CCDC27: variants seen among roughly 807,000 people sequenced by gnomAD.
CCDC27 encodes coiled-coil domain containing 27.
A neutral mutation model predicts 80.3 loss-of-function variants in CCDC27; 80 were observed. The ratio of observed to expected loss-of-function variants is 1.00; its 90% CI spans 0.83 to 1.20. The LOEUF is 1.20. CCDC27 is among the 50% of genes most tolerant of loss of function. The pLI is 0.00. For missense variants in CCDC27, 815 were observed against 809.4 expected, an observed-to-expected ratio of 1.01 and a Z score of -0.08; for synonymous variants, 342 against 334.3, an observed-to-expected ratio of 1.02 and a Z score of -0.25.
At chr1:3,758,889 A>C (rs1029784931) in intron 4 of CCDC27, among the ~76,000 whole-genome samples, 11 of 152,204 alleles carry the variant, frequency 7.2e-5, no homozygotes, top group African/African-American at 2.6e-4. Context: ...GAACCACTGT[A>C]CTGGGCCCCT....
Position 3,762,602 on chromosome 1 carries a change from C to T in CCDC27, c.862-18C>T. ...CAGGAGGGGCTGGAAAGCTGAGGGTCCCACGGGCGTCTTGCAGGAGCAGCT... is the reference window on the plus strand; with the variant it reads ...CAGGAGGGGCTGGAAAGCTGAGGGTTCCACGGGCGTCTTGCAGGAGCAGCT... On this transcript the variant is annotated intron_variant, in intron 5 of 11. Coordinates refer to ENST00000294600, the MANE Select transcript of CCDC27 (RefSeq NM_152492.3). 6.5e-7 allele frequency: 1 copy of T among 1,548,578 alleles called. No homozygotes were observed. The highest frequency in any genetic ancestry group is 8.7e-7 in the Non-Finnish European group (1 of 1,144,970).
In CCDC27 at chr1:3,771,583, C is replaced by T. The variant is rs1384506407; in HGVS notation, c.*60C>T. ...AGAGGCCGGGGCCCAGCTCCAGAACCACCCGCCCCCACCATGCGTCCTGCT... is the reference window on the plus strand; with the variant it reads ...AGAGGCCGGGGCCCAGCTCCAGAACTACCCGCCCCCACCATGCGTCCTGCT... On this transcript the variant is annotated 3_prime_UTR_variant, in exon 12 of 12. Coordinates refer to ENST00000294600, the MANE Select transcript of CCDC27 (RefSeq NM_152492.3). 1.7e-5 allele frequency: 27 copies of T among 1,569,078 alleles called. No homozygotes were observed. The highest frequency in any genetic ancestry group is 1.4e-5 in the Non-Finnish European group (16 of 1,153,288).
At position 3,766,608 on chromosome 1, in the gene CCDC27, G is replaced by C; in HGVS notation, c.1526G>C (p.Arg509Pro). 6.2e-7 allele frequency: 1 copy of C among 1,612,584 alleles called. No homozygotes were observed. The highest frequency in any genetic ancestry group is 1.1e-5 in the South Asian group (1 of 90,990). Reference sequence around the variant, plus strand: ...ATTGAAAAGGACAACCAGCTCCTCCGACAGGTGACAGCCTGGGTGTCGTTA... The same window carrying C: ...ATTGAAAAGGACAACCAGCTCCTCCCACAGGTGACAGCCTGGGTGTCGTTA... ...GLIEKDNQLL[R>P]QQVSELERKL... Residue 509 changes from arginine to proline, a missense_variant, in exon 9 of 12, where the codon CGA (arginine) becomes CCA (proline). Arg to Pro is a moderately radical substitution (Grantham distance 103, BLOSUM62 -2). Coordinates refer to ENST00000294600, the MANE Select transcript of CCDC27 (RefSeq NM_152492.3). This position sits in a 1 kb window ranked among gnomAD's most constrained non-coding sequence, Gnocchi z 6.1.
At position 3,763,587 on chromosome 1, in the gene CCDC27, G is replaced by A. The variant is rs754016672; in HGVS notation, c.1321+113G>A. 57 of 1,557,382 alleles carry A rather than the reference G, an allele frequency of 3.7e-5. No homozygotes were observed. The highest frequency in any genetic ancestry group is 4.6e-5 in the Non-Finnish European group (53 of 1,146,722). On this transcript the variant is annotated intron_variant, in intron 7 of 11. Coordinates refer to ENST00000294600, the MANE Select transcript of CCDC27 (RefSeq NM_152492.3). This position sits in a 1 kb window ranked among gnomAD's most constrained non-coding sequence, Gnocchi z 7.5. ...TCAGTGAGCTGGAGCAGGGGCAGGT[G>A]TCGGCAGCCTCACCCAGGCTGGCAG... is the stretch of plus-strand genomic sequence containing the variant.
chr1:3,758,422 G>A (rs1426736013), intron 4 of CCDC27, among the ~76,000 whole-genome samples: 1 of 151,720 alleles, frequency 6.6e-6, no homozygotes, highest in African/African-American at 2.4e-5. Flanking sequence ...TCTTGACTTC[G>A]TGATCTACCC....
At position 3,763,322 on chromosome 1, in the gene CCDC27, C is replaced by A; in HGVS notation, c.1169C>A (p.Pro390Gln). ...GAGGACTCAGAGGAAAGGGAGCTGC[C>A]GGAGGAAGAGGAGATCCCCAGGAGA... The part of the protein sequence containing the change: ...RDEDSEEREL[P>Q]EEEEIPRRRA... The change falls in exon 7 of 12, where the codon CCG becomes CAG. Residue 390 changes from proline to glutamine, a missense_variant. Physicochemically the swap from Pro to Gln is moderately conservative, Grantham distance 76. Coordinates refer to ENST00000294600, the MANE Select transcript of CCDC27 (RefSeq NM_152492.3). This position sits in a 1 kb window ranked among gnomAD's most constrained non-coding sequence, Gnocchi z 7.5. 1.2e-6 allele frequency: 2 copies of A among 1,611,646 alleles called. No individual in the cohort carries two copies. Among genetic ancestry groups the A allele is most frequent in the Non-Finnish European group, 1.7e-6 (2 of 1,179,194 alleles).
intron 10 of CCDC27, among the ~76,000 whole-genome samples, chr1:3,767,660 C>T (rs976756958): frequency 6.6e-6 from 1 of 152,220 alleles, no homozygotes; most frequent in Non-Finnish European, 1.5e-5. Context: ...CGGAAATGTT[C>T]GTCAATGGCA....
In CCDC27 at chr1:3,761,144, T is replaced by G. The variant is rs987684735; in HGVS notation, c.712-137T>G. 1.0e-6 allele frequency: 1 copy of G among 962,592 alleles called. No homozygotes were observed. Among genetic ancestry groups the G allele is most frequent in the Non-Finnish European group, 1.6e-6 (1 of 642,194 alleles). 59.6% of individuals were successfully genotyped at this position (962,592 alleles called of 1,614,324 possible). ...TGCTAGCTCTTTACCGCAGTACCTA[T>G]CTTGAAATCCCTGGGACCCTGGGGT... On this transcript the variant is annotated intron_variant, in intron 4 of 11. Coordinates refer to ENST00000294600, the MANE Select transcript of CCDC27 (RefSeq NM_152492.3). This position sits in a 1 kb window ranked among gnomAD's most constrained non-coding sequence, Gnocchi z 5.0.
chr1:3,763,867 C>T lies in CCDC27; in HGVS notation c.1452+31C>T, dbSNP rs750283727. The T allele has an allele frequency of 1.9e-6, 3 of 1,608,702 alleles. No individual in the cohort carries two copies. Among genetic ancestry groups the T allele is most frequent in the South Asian group, 1.1e-5 (1 of 90,730 alleles). ...CGTGCGCTCAGTACCGGCCTCCGCT[C>T]CATGAGCATGGGCCCCAGGCTTCAT... On this transcript the variant is annotated intron_variant, in intron 8 of 11. Coordinates refer to ENST00000294600, the MANE Select transcript of CCDC27 (RefSeq NM_152492.3). The surrounding 1 kb of genome is among the most constrained non-coding windows in gnomAD (Gnocchi z 7.5).
chr1:3,762,172 G>A (rs72637017), intron 5 of CCDC27, among the ~76,000 whole-genome samples: 32,145 of 152,086 alleles, frequency 0.21, 3,708 homozygotes, highest in Admixed American at 0.26. Context: ...CAGGGGGAAG[G>A]CCCCTGACCA....
chr1:3,758,557 C>T (rs1447649659), intron 4 of CCDC27, among the ~76,000 whole-genome samples: 1 of 152,170 alleles, frequency 6.6e-6, no homozygotes, highest in Non-Finnish European at 1.5e-5. Context: ...GAGCTCACGG[C>T]AGCCTCCATC....
Position 3,763,624 on chromosome 1 carries a change from C to T in CCDC27, c.1322-82C>T, listed in dbSNP as rs1304117434. On this transcript the variant is annotated intron_variant, in intron 7 of 11. Coordinates refer to ENST00000294600, the MANE Select transcript of CCDC27 (RefSeq NM_152492.3). The surrounding 1 kb of genome is among the most constrained non-coding windows in gnomAD (Gnocchi z 7.5). ...ACCCAGGCTGGCAGAGCCCTCCCAG[C>T]TGCCGCAGTGGCCCGGCCCTCTCCT... 6.3e-7 allele frequency: 1 copy of T among 1,586,944 alleles called. No individual in the cohort carries two copies. Among genetic ancestry groups the T allele is most frequent in the Non-Finnish European group, 8.6e-7 (1 of 1,160,614 alleles).
chr1:3,766,818 C>A lies in CCDC27; in HGVS notation c.1530+206C>A, dbSNP rs746059037. ...TGGGTCCAGACTGGACTGGAGGGAC[C>A]CAGCAAGCGTTCCCAGTCCTTTTTT... is the stretch of plus-strand genomic sequence containing the variant. On this transcript the variant is annotated intron_variant, in intron 9 of 11. Coordinates refer to ENST00000294600, the MANE Select transcript of CCDC27 (RefSeq NM_152492.3). This position sits in a 1 kb window ranked among gnomAD's most constrained non-coding sequence, Gnocchi z 6.1. Among the ~76,000 whole-genome samples the A allele has an allele frequency of 2.7e-4, 41 of 151,768 alleles. No individual in the cohort carries two copies. The highest frequency in any genetic ancestry group is 2.6e-4 in the Non-Finnish European group (18 of 67,944).
chr1:3,771,534 G>GC lies in CCDC27; in HGVS notation c.*16dup, dbSNP rs749640121. ...GGGACCTCCAAGTAGGCCCAGCCAG[G>GC]CCCCCAAATACGGTCAGCCCAGCAG... On this transcript the variant is annotated 3_prime_UTR_variant, in exon 12 of 12. Transcript: ENST00000294600. The GC allele has an allele frequency of 1.9e-6, 3 of 1,612,670 alleles. No homozygotes were observed. The East Asian group carries it at 6.7e-5, about 36-fold the overall frequency.
chr1:3,763,071 G>A lies in CCDC27; in HGVS notation c.955-37G>A, dbSNP rs1034585231. 2.1e-5 allele frequency: 31 copies of A among 1,453,798 alleles called. No individual in the cohort carries two copies. Among genetic ancestry groups the A allele is most frequent in the African/African-American group, 5.7e-5 (4 of 69,828 alleles). 90.1% of individuals were successfully genotyped at this position (1,453,798 alleles called of 1,614,324 possible). On this transcript the variant is annotated intron_variant, in intron 6 of 11. Coordinates refer to ENST00000294600, the MANE Select transcript of CCDC27 (RefSeq NM_152492.3). This position sits in a 1 kb window ranked among gnomAD's most constrained non-coding sequence, Gnocchi z 7.5. Reference sequence around the variant, plus strand: ...GAGCCCTCTGCCCTGGGGGTGCCCCGCAGCCCTGCCCAGCCCCTGCCCTAC... The same window carrying A: ...GAGCCCTCTGCCCTGGGGGTGCCCCACAGCCCTGCCCAGCCCCTGCCCTAC...
chr1:3,770,401 G>T (rs1237782206), intron 11 of CCDC27, among the ~76,000 whole-genome samples: 2 of 152,308 alleles, frequency 1.3e-5, no homozygotes, highest in African/African-American at 2.4e-5. Flanking sequence ...AGGCCTTGGG[G>T]TCACTGGGCA....
rs1218845233 is a variant in CCDC27 at position 3,766,074 on chromosome 1, C to G, written c.1453-461C>G. 6.6e-6 allele frequency among the ~76,000 whole-genome samples: 1 copy of G among 152,116 alleles called. No individual in the cohort carries two copies. Among genetic ancestry groups the G allele is most frequent in the Non-Finnish European group, 1.5e-5 (1 of 68,026 alleles). ...TTGTAGAGATAGGATCTATGTTACC[C>G]ACGCTTCTCTCAAATTCCCGACCTC... On this transcript the variant is annotated intron_variant, in intron 8 of 11. Transcript: ENST00000294600. The surrounding 1 kb of genome is among the most constrained non-coding windows in gnomAD (Gnocchi z 6.1).
chr1:3,766,537 C>A lies in CCDC27; in HGVS notation c.1455C>A (p.Phe485Leu). ...CCAACCCTTCTGTCTCCTTCCAGTT[C>A]TCCAACCTCCGAGAAGATAAGAAAC... The part of the protein sequence containing the change: ...RQQLQAMTDK[F>L]SNLREDKKHQ... The change falls in exon 9 of 12, where the codon TTC (phenylalanine) becomes TTA (leucine). Residue 485 changes from phenylalanine (F) to leucine (L), a missense_variant and splice_region_variant. By Grantham distance (22) the Phe-to-Leu change is conservative (BLOSUM62 0). Transcript: ENST00000294600. The surrounding 1 kb of genome is among the most constrained non-coding windows in gnomAD (Gnocchi z 6.1). 1 of 1,613,090 alleles carries A rather than the reference C, an allele frequency of 6.2e-7. No individual in the cohort carries two copies. Among genetic ancestry groups the A allele is most frequent in the Non-Finnish European group, 8.5e-7 (1 of 1,179,442 alleles).
In CCDC27 at chr1:3,771,561, G is replaced by A; in HGVS notation, c.*38G>A. ...CCCCAAATACGGTCAGCCCAGCAGA[G>A]GCCGGGGCCCAGCTCCAGAACCACC... On this transcript the variant is annotated 3_prime_UTR_variant, in exon 12 of 12. Coordinates refer to ENST00000294600, the MANE Select transcript of CCDC27 (RefSeq NM_152492.3). 2.5e-6 allele frequency: 4 copies of A among 1,607,852 alleles called. No homozygotes were observed. Among genetic ancestry groups the A allele is most frequent in the Non-Finnish European group, 3.4e-6 (4 of 1,178,514 alleles).
Sources: allele counts gnomAD v4.1 joint callset (sites outside exome capture counted in the v4.1 genomes callset), GRCh38; gene constraint gnomAD v4.1.1; non-coding constraint Gnocchi (gnomAD v3.1); transcripts MANE v1.5; gene names NCBI Gene and HGNC (gene_info 2026-07-23, HGNC 2026-07-21).